GOLGA3: variants seen among roughly 807,000 people sequenced by gnomAD.
The protein encoded by GOLGA3 is golgin A3.
A neutral mutation model predicts 169.4 loss-of-function variants in GOLGA3; 75 were observed. That is an observed-to-expected ratio of 0.44 (90% CI 0.37 to 0.54). GOLGA3 has a LOEUF of 0.54. Among genes scored for constraint, GOLGA3 ranks in the 20% least tolerant of loss-of-function variants. The pLI, the probability that GOLGA3 is intolerant of heterozygous loss-of-function variation, is 0.00. For synonymous variants in GOLGA3, 824 were observed against 822.4 expected, an observed-to-expected ratio of 1.00 and a Z score of -0.03; for missense variants, 1,899 against 1,930.0, an observed-to-expected ratio of 0.98 and a Z score of 0.30.
chr12:132,796,760 G>A, intron 9 of GOLGA3, 60 bp from the exon 10 acceptor site: 1 of 1,525,168 alleles, frequency 6.6e-7, no homozygotes, highest in Admixed American at 1.7e-5. Flanking sequence ...ACAGCAGCCG[G>A]TGGCCCCGTG....
chr12:132,784,511 GACAA>G (rs2045786806), intron 15 of GOLGA3, among the ~76,000 whole-genome samples: 1 of 152,162 alleles, frequency 6.6e-6, no homozygotes, highest in Admixed American at 6.5e-5. Flanking sequence ...GGATAGTTGG[GACAA>G]ACAAAATCAT....
chr12:132,813,217 C>T, intron 4 of GOLGA3, 90 bp downstream of exon 4: 1 of 823,220 alleles, frequency 1.2e-6, no homozygotes, highest in African/African-American at 1.7e-5. Context: ...CTCAGAGAAG[C>T]CAATGGCAGG....
At chr12:132,784,138 C>A (rs116793665) in intron 16 of GOLGA3, 26 bp downstream of exon 16, 2 of 1,603,372 alleles carry the variant, frequency 1.2e-6, no homozygotes, top group Non-Finnish European at 1.7e-6. Context: ...CCCACGCTGC[C>A]GCCACAGCAG....
At chr12:132,779,298 T>C (rs1475833148) in intron 18 of GOLGA3, among the ~76,000 whole-genome samples, 2 of 152,182 alleles carry the variant, frequency 1.3e-5, no homozygotes, top group African/African-American at 4.8e-5. Flanking sequence ...AGCCTGGTCT[T>C]GAACTCCCGA....
chr12:132,814,141 C>T (rs979138525), intron 3 of GOLGA3, among the ~76,000 whole-genome samples: 1 of 151,508 alleles, frequency 6.6e-6, no homozygotes, highest in African/African-American at 2.4e-5. Context: ...TCTCCTGCCA[C>T]AGCCTCCTGA....
intron 18 of GOLGA3, 142 bp downstream of exon 18, chr12:132,780,656 C>G (rs966860081): frequency 1.0e-5 from 7 of 670,222 alleles, no homozygotes; most frequent in Non-Finnish European, 1.6e-5. Flanking sequence ...AGGTGCTCTG[C>G]GGCCTCCGTC....
At chr12:132,809,992 C>T (rs575514564) in intron 4 of GOLGA3, among the ~76,000 whole-genome samples, 5 of 152,168 alleles carry the variant, frequency 3.3e-5, no homozygotes, top group African/African-American at 1.2e-4. Context: ...CACCTGTAAT[C>T]CCAGCACTTT....
intron 11 of GOLGA3, among the ~76,000 whole-genome samples, chr12:132,794,352 A>G (rs1948714081): frequency 1.3e-5 from 2 of 152,044 alleles, no homozygotes; most frequent in South Asian, 2.1e-4. Context: ...AAAAAAAAAA[A>G]AAGATGGCCG....
At chr12:132,818,986 A>G (rs1393565479) in intron 2 of GOLGA3, among the ~76,000 whole-genome samples, 2 of 150,660 alleles carry the variant, frequency 1.3e-5, no homozygotes, top group East Asian at 1.9e-4. Context: ...TGGAACAAAG[A>G]AAGATTTCTT....
intron 9 of GOLGA3, among the ~76,000 whole-genome samples, chr12:132,797,322 C>T (rs1948895451): frequency 1.3e-5 from 2 of 152,154 alleles, no homozygotes; most frequent in South Asian, 4.1e-4. Context: ...ACCAGCCCAG[C>T]AACATCCAGC....
intron 9 of GOLGA3, among the ~76,000 whole-genome samples, chr12:132,798,057 G>C (rs757431398): frequency 6.6e-6 from 1 of 151,994 alleles, no homozygotes; most frequent in African/African-American, 2.4e-5. Context: ...GAAAAGAGCC[G>C]CAAGTGCTCA....
intron 3 of GOLGA3, 86 bp from the exon 4 acceptor site, chr12:132,813,505 T>G (rs910565945): frequency 7.3e-6 from 5 of 684,384 alleles, no homozygotes; most frequent in Admixed American, 2.6e-5. Flanking sequence ...ATTTTGTACT[T>G]AATTACCCAT....
In GOLGA3 at chr12:132,789,305, G is replaced by A. The variant is rs767346815; in HGVS notation, c.2548-15C>T. On this transcript the variant is annotated splice_polypyrimidine_tract_variant and intron_variant, in intron 12 of 23. Transcript: ENST00000450791. ...TCCACCATCACCTGCCAAAGACAGA[G>A]GCTGTGAGCGGACGCTGGGCGGCGG... 1 of 1,560,598 alleles carries A rather than the reference G, an allele frequency of 6.4e-7. No homozygotes were observed. The highest frequency in any genetic ancestry group is 8.6e-7 in the Non-Finnish European group (1 of 1,156,534).
At position 132,795,853 on chromosome 12, in the gene GOLGA3, T is replaced by C; in HGVS notation, c.2468A>G (p.Gln823Arg). ...ACAAAACACAGCAGAATGCATTACCTGGCCGGATTTGATAGCTAATTCTTC... is the reference window on the plus strand; with the variant it reads ...ACAAAACACAGCAGAATGCATTACCCGGCCGGATTTGATAGCTAATTCTTC... ...LREELAIKSG[Q>R]VEHLQQETAA... Residue 823 changes from glutamine to arginine, a missense_variant and splice_region_variant, in exon 11 of 24, where the codon CAG (glutamine) becomes CGG (arginine). Gln to Arg is a conservative substitution (Grantham distance 43, BLOSUM62 1). Coordinates refer to ENST00000450791, the MANE Select transcript of GOLGA3 (RefSeq NM_001389683.1). 1 of 1,610,700 alleles carries C rather than the reference T, an allele frequency of 6.2e-7. No individual in the cohort carries two copies. The highest frequency in any genetic ancestry group is 8.5e-7 in the Non-Finnish European group (1 of 1,177,124).
In GOLGA3 at chr12:132,789,070, T is replaced by C. The variant is rs1196314073; in HGVS notation, c.2768A>G (p.Gln923Arg). ...CTCGTCTCGCTCCTTCTGCGCCGACTGGAGATGCCCTTCAAGGTCCGCCAT... is the reference window on the plus strand; with the variant it reads ...CTCGTCTCGCTCCTTCTGCGCCGACCGGAGATGCCCTTCAAGGTCCGCCAT... ...QHMADLEGHLQSAQKERDEME... is the reference protein window; with the variant it reads ...QHMADLEGHLRSAQKERDEME... Residue 923 changes from glutamine (Q) to arginine (R), a missense_variant, in exon 13 of 24, where the codon CAG becomes CGG. Transcript: ENST00000450791. The C allele has an allele frequency of 1.2e-6, 2 of 1,605,474 alleles. No individual in the cohort carries two copies. The highest frequency in any genetic ancestry group is 8.5e-7 in the Non-Finnish European group (1 of 1,174,794).
chr12:132,797,815 T>C (rs1428848042), intron 9 of GOLGA3, among the ~76,000 whole-genome samples: 1 of 152,116 alleles, frequency 6.6e-6, no homozygotes, highest in Non-Finnish European at 1.5e-5. Context: ...CCTCTGGAGA[T>C]GGCTGTGCAG....
At chr12:132,788,731 G>A (rs187952975) in intron 13 of GOLGA3, among the ~76,000 whole-genome samples, 1,659 of 152,190 alleles carry the variant, frequency 0.011, 37 homozygotes, top group African/African-American at 0.037. Context: ...CATGGCAATG[G>A]GGAGAAGCTG....
intron 6 of GOLGA3, among the ~76,000 whole-genome samples, 181 bp from the exon 7 acceptor site, chr12:132,805,203 C>G (rs537016024): frequency 7.9e-5 from 11 of 138,734 alleles, no homozygotes; most frequent in Non-Finnish European, 1.6e-4. Context: ...CAAGGCCTGA[C>G]AGGGGACCCC....
At chr12:132,780,572 G>A (rs1008619189) in intron 18 of GOLGA3, among the ~76,000 whole-genome samples, 1 of 152,236 alleles carries the variant, frequency 6.6e-6, no homozygotes, top group African/African-American at 2.4e-5. Flanking sequence ...ACACATGCAC[G>A]CGGAGCTCAT....
Sources: allele counts gnomAD v4.1 joint callset (sites outside exome capture counted in the v4.1 genomes callset), GRCh38; gene constraint gnomAD v4.1.1; transcripts MANE v1.5; gene names NCBI Gene and HGNC (gene_info 2026-07-23, HGNC 2026-07-21).